The following CAMK2D variants were observed in gnomAD, a reference collection of about 807,000 sequenced individuals.
CAMK2D encodes calcium/calmodulin dependent protein kinase II delta.
In CAMK2D, 37 loss-of-function variants were observed where a neutral mutation model predicts 84.0. The observed-to-expected ratio is 0.44, with a 90% CI of 0.34 to 0.58. The LOEUF (loss-of-function observed/expected upper bound fraction) is 0.58. Among genes scored for constraint, CAMK2D ranks in the 20% least tolerant of loss-of-function variants. The pLI is 0.02. For missense variants in CAMK2D, 448 were observed against 652.5 expected (o/e 0.69, Z 3.41); for synonymous variants, 202 against 212.5 (o/e 0.95, Z 0.43).
chr4:113,502,255 C>T (rs2098058147), intron 15 of CAMK2D, among the ~76,000 whole-genome samples: 1 of 151,918 alleles, frequency 6.6e-6, no homozygotes. Flanking sequence ...AAATAATTTA[C>T]AATGTATAGG....
chr4:113,756,782 A>G (rs372511490), intron 2 of CAMK2D, among the ~76,000 whole-genome samples: 37 of 152,072 alleles, frequency 2.4e-4, no homozygotes, highest in African/African-American at 8.9e-4. Context: ...ATTCTGTGGA[A>G]TGTTGTATCA....
intron 2 of CAMK2D, among the ~76,000 whole-genome samples, chr4:113,676,762 C>T (rs78969140): frequency 0.029 from 4,485 of 152,258 alleles, 84 homozygotes; most frequent in Non-Finnish European, 0.043. Context: ...AAATTCTGTA[C>T]AGACCTTGCT....
chr4:113,601,446 T>C (rs1422574455), intron 4 of CAMK2D, among the ~76,000 whole-genome samples: 1 of 151,872 alleles, frequency 6.6e-6, no homozygotes, highest in Non-Finnish European at 1.5e-5. Flanking sequence ...AAAAAACCAC[T>C]AAAATTGTTA....
intron 3 of CAMK2D, among the ~76,000 whole-genome samples, chr4:113,639,423 G>A (rs1247101781): frequency 6.6e-6 from 1 of 152,090 alleles, no homozygotes; most frequent in Non-Finnish European, 1.5e-5. Context: ...CTTTTTGTGG[G>A]GGGAATAAGG....
intron 2 of CAMK2D, among the ~76,000 whole-genome samples, chr4:113,756,337 G>A (rs773615567): frequency 1.1e-4 from 16 of 151,934 alleles, no homozygotes; most frequent in Non-Finnish European, 2.1e-4. Context: ...GAACATTAGT[G>A]GAGTTGGAGG....
intron 10 of CAMK2D, 89 bp downstream of exon 10, chr4:113,514,980 G>T: frequency 8.5e-7 from 1 of 1,179,456 alleles, no homozygotes; most frequent in Non-Finnish European, 1.2e-6. Context: ...ATCTTTTTTT[G>T]CAAAGCTATT....
At chr4:113,745,118 C>A (rs1262451642) in intron 2 of CAMK2D, among the ~76,000 whole-genome samples, 1 of 152,194 alleles carries the variant, frequency 6.6e-6, no homozygotes, top group Non-Finnish European at 1.5e-5. Context: ...CAAGTAACAT[C>A]ATAGAGGCTC....
intron 12 of CAMK2D, 60 bp from the exon 13 acceptor site, chr4:113,509,735 A>G: frequency 8.1e-7 from 1 of 1,228,272 alleles, no homozygotes; most frequent in Non-Finnish European, 1.2e-6. Flanking sequence ...CAGCCAGACA[A>G]CAAAGCAGTC....
chr4:113,662,380 T>C (rs988341856), intron 2 of CAMK2D, among the ~76,000 whole-genome samples: 1 of 152,320 alleles, frequency 6.6e-6, no homozygotes, highest in South Asian at 2.1e-4. Context: ...TGAAACACTA[T>C]AGACTTGTGT....
intron 8 of CAMK2D, among the ~76,000 whole-genome samples, chr4:113,527,929 G>A (rs570793129): frequency 1.4e-4 from 21 of 152,042 alleles, no homozygotes; most frequent in South Asian, 4.2e-4. Context: ...AAATGTTTTC[G>A]ATATAAGAAC....
intron 4 of CAMK2D, among the ~76,000 whole-genome samples, chr4:113,606,572 A>G (rs1050960492): frequency 1.3e-5 from 2 of 152,008 alleles, no homozygotes; most frequent in Non-Finnish European, 2.9e-5. Flanking sequence ...TACCCAAACT[A>G]AACAACAGAA....
chr4:113,557,405 T>C (rs2098672231), intron 4 of CAMK2D, among the ~76,000 whole-genome samples: 1 of 152,212 alleles, frequency 6.6e-6, no homozygotes, highest in Non-Finnish European at 1.5e-5. Flanking sequence ...CTAGTTGTGA[T>C]GGCCTTCCTC....
At chr4:113,578,150 C>T (rs1195444256) in intron 4 of CAMK2D, among the ~76,000 whole-genome samples, 2 of 152,140 alleles carry the variant, frequency 1.3e-5, no homozygotes, top group Non-Finnish European at 2.9e-5. Context: ...ATTCTGTTCC[C>T]AAGGAACAGT....
At position 113,761,657 on chromosome 4, in the gene CAMK2D, G is replaced by A; in HGVS notation, c.-589C>T. On this transcript the variant is annotated 5_prime_UTR_variant, in exon 1 of 21. Coordinates refer to ENST00000511664, the MANE Select transcript of CAMK2D (RefSeq NM_001321571.2). The stretch of plus-strand genomic sequence containing the variant: ...CGGCTTCCCTCCGGCGGGCGGCAGC[G>A]GCTCCGGCGAAGCGAGGCACCTTGG... The A allele has an allele frequency of 2.0e-6, 2 of 985,072 alleles. No individual in the cohort carries two copies. Among genetic ancestry groups the A allele is most frequent in the Non-Finnish European group, 2.4e-6 (2 of 829,734 alleles). The allele number at this position is 985,072 out of a possible 1,614,324, so 61.0% of individuals were successfully genotyped here. A position where few individuals can be genotyped will look rare whatever the true frequency, so the allele number is the denominator to read the frequency against.
chr4:113,703,205 AG>A (rs2099428412), intron 2 of CAMK2D, among the ~76,000 whole-genome samples: 1 of 152,226 alleles, frequency 6.6e-6, no homozygotes, highest in Non-Finnish European at 1.5e-5. Flanking sequence ...ACCCTCAAGT[AG>A]TCGAGGGTTC....
In CAMK2D at chr4:113,503,155, C is replaced by T. The variant is rs570653725; in HGVS notation, c.1045-178G>A. ...TATCTCTGATGAAAGATCTCCCTGG[C>T]GAGGCCATGAGATAGGAACCTCCCT... On this transcript the variant is annotated intron_variant, in intron 14 of 20. Transcript: ENST00000511664. 680 of 721,096 alleles carry T rather than the reference C, an allele frequency of 9.4e-4. 1 individual carries two copies. The highest frequency in any genetic ancestry group is 1.5e-3 in the Non-Finnish European group (581 of 393,788). 44.7% of individuals were successfully genotyped at this position (721,096 alleles called of 1,614,324 possible).
chr4:113,534,595 T>G (rs1211648915), intron 7 of CAMK2D, among the ~76,000 whole-genome samples: 1 of 152,198 alleles, frequency 6.6e-6, no homozygotes, highest in African/African-American at 2.4e-5. Context: ...CTATGTACTT[T>G]TATTTGGATG....
intron 7 of CAMK2D, among the ~76,000 whole-genome samples, chr4:113,531,871 G>A (rs1049928255): frequency 1.3e-5 from 2 of 152,072 alleles, no homozygotes; most frequent in Non-Finnish European, 2.9e-5. Flanking sequence ...ATACATATTG[G>A]TATAGAATTC....
At chr4:113,569,132 C>T (rs1468814421) in intron 4 of CAMK2D, among the ~76,000 whole-genome samples, 1 of 152,176 alleles carries the variant, frequency 6.6e-6, no homozygotes, top group Non-Finnish European at 1.5e-5. Context: ...ATTCTCCCAC[C>T]TCTGCCTCCC....
Sources: gnomAD v4.1 joint callset for allele counts (sites outside exome capture counted in the v4.1 genomes callset) on GRCh38, gnomAD v4.1.1 for gene constraint, MANE v1.5 for transcripts, NCBI Gene and HGNC (gene_info 2026-07-23, HGNC 2026-07-21) for gene names.